ARHGAP26: variants seen among roughly 807,000 people sequenced by gnomAD.
ARHGAP26 encodes Rho GTPase activating protein 26.
Under a neutral mutation model 104.8 loss-of-function variants are expected in ARHGAP26, and 38 were observed. That is an observed-to-expected ratio of 0.36 (90% CI 0.28 to 0.48). ARHGAP26 has a LOEUF of 0.48. ARHGAP26 is among the 20% of genes least tolerant of loss of function. The probability of loss-of-function intolerance (pLI) is 0.99; values close to 1 mark genes in which losing one functional copy is unlikely to be tolerated. For missense variants in ARHGAP26, 704 were observed against 947.9 expected, an observed-to-expected ratio of 0.74 and a Z score of 3.38; for synonymous variants, 341 against 340.0, an observed-to-expected ratio of 1.00 and a Z score of -0.03.
intron 17 of ARHGAP26, among the ~76,000 whole-genome samples, chr5:143,077,434 C>T (rs751336021): frequency 6.6e-6 from 1 of 152,168 alleles, no homozygotes; most frequent in Non-Finnish European, 1.5e-5. Context: ...ACCCCAGCAC[C>T]GGTTCTTCTC....
intron 20 of ARHGAP26, among the ~76,000 whole-genome samples, chr5:143,178,861 C>T (rs1803885353): frequency 6.6e-6 from 1 of 151,960 alleles, no homozygotes; most frequent in African/African-American, 2.4e-5. Context: ...CACCACACCC[C>T]ACTTAACTAT....
At chr5:142,907,558 G>A (rs1453586453) in intron 8 of ARHGAP26, 146 bp from the exon 9 acceptor site, 4 of 414,598 alleles carry the variant, frequency 9.6e-6, no homozygotes, top group East Asian at 7.3e-5. Context: ...ATTCATTCTA[G>A]CTAGTGTGGA....
chr5:143,012,558 T>TATATATATATATATATATATAC (rs1778986914), intron 11 of ARHGAP26, among the ~76,000 whole-genome samples: 1 of 72,416 alleles, frequency 1.4e-5, no homozygotes, highest in Non-Finnish European at 3.6e-5. Flanking sequence ...CATACATATA[T>TATATATATATATATATATATAC]ATATATATAT....
At position 143,134,039 on chromosome 5, in the gene ARHGAP26, T is replaced by TC; in HGVS notation, c.1773dup (p.Lys592GlnfsTer45). The TC allele has an allele frequency of 6.2e-7, 1 of 1,613,412 alleles. No homozygotes were observed. Among genetic ancestry groups the TC allele is most frequent in the Non-Finnish European group, 8.5e-7 (1 of 1,179,630 alleles). ...CCTGTCTCGGAAGAAGAGCAGTGAC[T>TC]CCAAGCCCCCGTCCTGCAGCGAGAG... On this transcript the variant is annotated frameshift_variant, in exon 19 of 23. Coordinates refer to ENST00000645722, the MANE Select transcript of ARHGAP26 (RefSeq NM_001135608.3). LOFTEE classifies it high-confidence loss of function.
rs149182671 is a variant in ARHGAP26 at position 142,875,772 on chromosome 5, A to T, written c.312+601A>T. Among the ~76,000 whole-genome samples the T allele has an allele frequency of 8.7e-4, 133 of 152,180 alleles. 1 individual carries two copies. The highest frequency in any genetic ancestry group is 3.0e-3 in the African/African-American group (124 of 41,536). On this transcript the variant is annotated intron_variant, in intron 3 of 22. Coordinates refer to ENST00000645722, the MANE Select transcript of ARHGAP26 (RefSeq NM_001135608.3). ...TGTTCTGGAAGACAGAGAGGGTCTC[A>T]CTCTGTCACCCAGGCTGGAGTGCAG...
At chr5:143,216,628 A>G (rs886556714) in intron 22 of ARHGAP26, 1 of 205,740 alleles carries the variant, frequency 4.9e-6, no homozygotes, top group African/African-American at 2.3e-5. Context: ...GCAGGAGGAA[A>G]GTTTGGTTGA....
In ARHGAP26 at chr5:142,785,999, A is replaced by G. The variant is rs1561837524; in HGVS notation, c.154+15084A>G. Among the ~76,000 whole-genome samples, 5 of 150,258 alleles carry G rather than the reference A, an allele frequency of 3.3e-5. No homozygotes were observed. The South Asian group carries it at 1.1e-3, about 32-fold the overall frequency. ...GGTATTTTTTTTTTTTTTTAAATAG[A>G]CAGAGTCTTGTCTTGTCACCCAGTG... On this transcript the variant is annotated intron_variant, in intron 1 of 22. Transcript: ENST00000645722.
chr5:142,998,455 G>T (rs1273504201), intron 11 of ARHGAP26, among the ~76,000 whole-genome samples: 1 of 152,184 alleles, frequency 6.6e-6, no homozygotes, highest in East Asian at 1.9e-4. Flanking sequence ...CTGGGGAGGG[G>T]ACCCTACTGG....
intron 21 of ARHGAP26, among the ~76,000 whole-genome samples, chr5:143,211,115 A>T (rs1397551676): frequency 6.6e-6 from 1 of 152,232 alleles, no homozygotes; most frequent in Non-Finnish European, 1.5e-5. Context: ...ACCTTTCAGA[A>T]GGAGTTATGG....
chr5:142,937,932 T>C (rs1389399481), intron 11 of ARHGAP26, among the ~76,000 whole-genome samples: 2 of 152,066 alleles, frequency 1.3e-5, no homozygotes, highest in Non-Finnish European at 2.9e-5. Flanking sequence ...TCCTTCGTGG[T>C]GATGGAATAG....
chr5:143,001,773 C>T (rs1048934368), intron 11 of ARHGAP26, among the ~76,000 whole-genome samples: 2 of 152,218 alleles, frequency 1.3e-5, no homozygotes, highest in African/African-American at 4.8e-5. Flanking sequence ...TACTGAGATT[C>T]TCCATGTGAT....
intron 17 of ARHGAP26, among the ~76,000 whole-genome samples, chr5:143,075,298 A>G (rs1788835277): frequency 6.6e-6 from 1 of 150,386 alleles, no homozygotes; most frequent in Non-Finnish European, 1.5e-5. Flanking sequence ...GTTTCTTATC[A>G]AAATATAAAT....
intron 17 of ARHGAP26, among the ~76,000 whole-genome samples, chr5:143,060,162 G>A (rs181891309): frequency 4.6e-5 from 7 of 152,320 alleles, no homozygotes; most frequent in African/African-American, 1.2e-4. Flanking sequence ...CCTAGGCTAT[G>A]CCTGAGCTAT....
chr5:143,022,237 A>G (rs894629522), intron 12 of ARHGAP26, among the ~76,000 whole-genome samples: 10 of 151,890 alleles, frequency 6.6e-5, no homozygotes, highest in African/African-American at 2.4e-4. Flanking sequence ...ACACCTGGCT[A>G]ATTTTTTTTA....
chr5:143,206,420 TTCCTC>T (rs1413829456), intron 20 of ARHGAP26, among the ~76,000 whole-genome samples: 1 of 152,238 alleles, frequency 6.6e-6, no homozygotes, highest in African/African-American at 2.4e-5. Flanking sequence ...ATTTCAACCT[TTCCTC>T]TCCAAACTTT....
chr5:142,813,331 A>G (rs1209604867), intron 1 of ARHGAP26, among the ~76,000 whole-genome samples: 4 of 152,236 alleles, frequency 2.6e-5, no homozygotes, highest in Non-Finnish European at 4.4e-5. Flanking sequence ...AGGCAATACC[A>G]GGTCAGTCTC....
At chr5:142,890,741 A>G (rs1333962348) in intron 5 of ARHGAP26, among the ~76,000 whole-genome samples, 3 of 152,150 alleles carry the variant, frequency 2.0e-5, no homozygotes, top group Admixed American at 2.0e-4. Flanking sequence ...TGCACGGGAC[A>G]CTTTCCAGTT....
In ARHGAP26 at chr5:143,224,163, G is replaced by A. The variant is rs1811475875; in HGVS notation, c.*1717G>A. 1 of 229,588 alleles carries A rather than the reference G, an allele frequency of 4.4e-6. No homozygotes were observed. Among genetic ancestry groups the A allele is most frequent in the Admixed American group, 5.7e-5 (1 of 17,630 alleles). The allele number at this position is 229,588 out of a possible 1,614,324, so 14.2% of individuals were successfully genotyped here. A position where few individuals can be genotyped will look rare whatever the true frequency, so the allele number is the denominator to read the frequency against. On this transcript the variant is annotated 3_prime_UTR_variant, in exon 23 of 23. Coordinates refer to ENST00000645722, the MANE Select transcript of ARHGAP26 (RefSeq NM_001135608.3). ...ATAGAGTGATTTGAAATACTATATG[G>A]CAAAGTTTTATATTTGATATTCTTT...
intron 17 of ARHGAP26, among the ~76,000 whole-genome samples, chr5:143,086,828 G>A (rs75671958): frequency 5.0e-4 from 76 of 152,298 alleles, no homozygotes; most frequent in African/African-American, 1.8e-3. Flanking sequence ...ATATGGAGGG[G>A]GGCCACTGGA....
Sources: allele counts gnomAD v4.1 joint callset (sites outside exome capture counted in the v4.1 genomes callset), GRCh38; gene constraint gnomAD v4.1.1; transcripts MANE v1.5; gene names NCBI Gene and HGNC (gene_info 2026-07-23, HGNC 2026-07-21).